FREM3: variants seen among roughly 807,000 people sequenced by gnomAD.
The protein encoded by FREM3 is FRAS1-related extracellular matrix protein 3.
FREM3 carries 105 observed loss-of-function variants against 129.1 expected under a neutral mutation model. The observed-to-expected ratio is 0.81, with a 90% CI of 0.69 to 0.96. The LOEUF (loss-of-function observed/expected upper bound fraction) is 0.96, where lower values mean the gene tolerates loss of function less well. Ranked by LOEUF, FREM3 falls within the 40% of genes least tolerant of loss-of-function variation. FREM3 has a pLI of 0.00. For missense variants in FREM3, 2,593 were observed against 2,666.3 expected, an observed-to-expected ratio of 0.97 and a Z score of 0.61; for synonymous variants, 1,014 against 1,044.9, an observed-to-expected ratio of 0.97 and a Z score of 0.57.
At position 143,697,276 on chromosome 4, in the gene FREM3, T is replaced by C. The variant is rs914904955; in HGVS notation, c.3400A>G (p.Ser1134Gly). 6.5e-7 allele frequency: 1 copy of C among 1,537,460 alleles called. No homozygotes were observed. Among genetic ancestry groups the C allele is most frequent in the Admixed American group, 2.0e-5 (1 of 51,000 alleles). ...APGSKMSQSG[S>G]PISAFSLRDI... ...CTGAGGGAGAAAGCACTGATAGGGC[T>C]ACCAGACTGGGACATTTTTGAACCA... Residue 1134 changes from serine to glycine, a missense_variant, in exon 1 of 8, where the codon AGC (serine) becomes GGC (glycine). Ser to Gly is a moderately conservative substitution (Grantham distance 56). Around this residue, in one of 2 missense-constraint regions of FREM3, gnomAD observed 2,276 missense variants for 2,267.2 expected, o/e 1.00. Transcript: ENST00000329798.
chr4:143,611,213 A>G (rs567208601), intron 6 of FREM3, 66 bp downstream of exon 6: 18 of 1,470,376 alleles, frequency 1.2e-5, no homozygotes, highest in Middle Eastern at 4.5e-4. Context: ...TTTGCCTTTC[A>G]ACTGTTGGAG....
At chr4:143,614,889 C>G (rs1026776545) in intron 5 of FREM3, among the ~76,000 whole-genome samples, 1 of 152,208 alleles carries the variant, frequency 6.6e-6, no homozygotes, top group South Asian at 2.1e-4. Flanking sequence ...GGAGCAGTTA[C>G]TAGCTGGATC....
At chr4:143,598,711 G>A (rs547663508) in intron 6 of FREM3, among the ~76,000 whole-genome samples, 2 of 152,188 alleles carry the variant, frequency 1.3e-5, no homozygotes, top group African/African-American at 4.8e-5. Flanking sequence ...ATATAAAATG[G>A]TTGTCCCATA....
At chr4:143,603,397 T>TA (rs1250306399) in intron 6 of FREM3, among the ~76,000 whole-genome samples, 1 of 152,238 alleles carries the variant, frequency 6.6e-6, no homozygotes, top group Non-Finnish European at 1.5e-5. Context: ...ATTTCTGGGA[T>TA]AAAAACCAGT....
At chr4:143,582,563 T>C (rs747486178) in intron 7 of FREM3, among the ~76,000 whole-genome samples, 1 of 152,144 alleles carries the variant, frequency 6.6e-6, no homozygotes, top group Non-Finnish European at 1.5e-5. Flanking sequence ...CCCATACAGA[T>C]GAGAAAGAAC....
At chr4:143,632,634 T>C (rs17017984) in intron 2 of FREM3, among the ~76,000 whole-genome samples, 6,296 of 152,188 alleles carry the variant, frequency 0.041, 365 homozygotes, top group African/African-American at 0.13. Context: ...GATTTTGTTT[T>C]GTAACTATTC....
chr4:143,620,892 T>G, intron 5 of FREM3, 145 bp downstream of exon 5: 1 of 713,836 alleles, frequency 1.4e-6, no homozygotes, highest in Non-Finnish European at 2.2e-6. Flanking sequence ...GGAAAGGGGG[T>G]TCGCAGCAGG....
In FREM3 at chr4:143,640,600, G is replaced by A. The variant is rs538701762; in HGVS notation, c.5276-12840C>T. ...CAGGAGAATCACTTGAACCCAGGAG[G>A]TGGAGGTTGTGGTGAGCTGAGATCG... On this transcript the variant is annotated intron_variant, in intron 2 of 7. Coordinates refer to ENST00000329798, the MANE Select transcript of FREM3 (RefSeq NM_001168235.2). 1.1e-4 allele frequency among the ~76,000 whole-genome samples: 16 copies of A among 152,318 alleles called. No individual in the cohort carries two copies. The East Asian group carries it at 3.1e-3, about 29-fold the overall frequency.
At chr4:143,624,493 A>G (rs903714954) in intron 3 of FREM3, among the ~76,000 whole-genome samples, 155 bp from the exon 4 acceptor site, 1 of 152,228 alleles carries the variant, frequency 6.6e-6, no homozygotes, top group African/African-American at 2.4e-5. Context: ...TTTCTTGGCT[A>G]AGAGAGTGTA....
chr4:143,660,062 G>T (rs1411707481), intron 2 of FREM3, among the ~76,000 whole-genome samples: 11 of 148,748 alleles, frequency 7.4e-5, no homozygotes, highest in South Asian at 2.1e-4. Context: ...AGTTTCTTTT[G>T]CTGTGCAGAA....
At chr4:143,606,166 T>A (rs1395954875) in intron 6 of FREM3, among the ~76,000 whole-genome samples, 1 of 152,316 alleles carries the variant, frequency 6.6e-6, no homozygotes, top group African/African-American at 2.4e-5. Flanking sequence ...AATGAGACGA[T>A]GCTACAGAGC....
In FREM3 at chr4:143,621,021, C is replaced by A. The variant is rs532740383; in HGVS notation, c.5779+16G>T. 153 of 1,536,974 alleles carry A rather than the reference C, an allele frequency of 1.0e-4. 1 individual carries two copies. The South Asian group carries it at 1.2e-3, about 13-fold the overall frequency. On this transcript the variant is annotated intron_variant, in intron 5 of 7. Transcript: ENST00000329798. Reference sequence around the variant, plus strand: ...TCATCTTATTCCTATGAACAGGACCCCACAGAGCCTCATACCTTGACGTGT... The same window carrying A: ...TCATCTTATTCCTATGAACAGGACCACACAGAGCCTCATACCTTGACGTGT...
intron 6 of FREM3, among the ~76,000 whole-genome samples, chr4:143,593,802 T>G (rs992488273): frequency 2.6e-5 from 4 of 152,214 alleles, no homozygotes; most frequent in Non-Finnish European, 5.9e-5. Flanking sequence ...GTTATTGCTG[T>G]CTTTTGTTTG....
intron 2 of FREM3, among the ~76,000 whole-genome samples, chr4:143,673,601 C>G (rs1344851040): frequency 6.6e-6 from 1 of 152,284 alleles, no homozygotes; most frequent in Non-Finnish European, 1.5e-5. Flanking sequence ...CTAGGAGAAC[C>G]ACTACTCTCT....
At position 143,698,889 on chromosome 4, in the gene FREM3, T is replaced by A. The variant is rs1740633888; in HGVS notation, c.1787A>T (p.Gln596Leu). ...QPLKGNEEEP[Q>L]WELAPGSSHS... ...GGAGGAACCAGGGGCCAACTCCCAC[T>A]GAGGCTCTTCCTCATTTCCTTTTAG... The change falls in exon 1 of 8, where the codon CAG (glutamine) becomes CTG (leucine). Residue 596 changes from glutamine (Q) to leucine (L), a missense_variant. Physicochemically the swap from Gln to Leu is moderately radical, Grantham distance 113. Around this residue, in one of 2 missense-constraint regions of FREM3, gnomAD observed 2,276 missense variants for 2,267.2 expected, o/e 1.00. Transcript: ENST00000329798. 6.5e-7 allele frequency: 1 copy of A among 1,537,406 alleles called. No homozygotes were observed. Among genetic ancestry groups the A allele is most frequent in the South Asian group, 1.2e-5 (1 of 84,066 alleles).
In FREM3 at chr4:143,680,150, T is replaced by G. The variant is rs1497616; in HGVS notation, c.5275+12963A>C. 6.8e-3 allele frequency among the ~76,000 whole-genome samples: 1,037 copies of G among 151,810 alleles called. 16 individuals are homozygous for G. Among genetic ancestry groups the G allele is most frequent in the African/African-American group, 0.024 (981 of 41,418 alleles). ...AAAAGGAAATATTAATAAAAACAATTTATTATCCATCATTGCCATTATAAA... is the reference window on the plus strand; with the variant it reads ...AAAAGGAAATATTAATAAAAACAATGTATTATCCATCATTGCCATTATAAA... On this transcript the variant is annotated intron_variant, in intron 2 of 7. Coordinates refer to ENST00000329798, the MANE Select transcript of FREM3 (RefSeq NM_001168235.2).
In FREM3 at chr4:143,696,603, A is replaced by G. The variant is rs1001964661; in HGVS notation, c.4073T>C (p.Leu1358Pro). 3.3e-6 allele frequency: 5 copies of G among 1,537,640 alleles called. No homozygotes were observed. The highest frequency in any genetic ancestry group is 4.9e-5 in the East Asian group (2 of 40,914). The change falls in exon 1 of 8, where the codon CTG becomes CCG. Residue 1358 changes from leucine (L) to proline (P), a missense_variant. Around this residue, in one of 2 missense-constraint regions of FREM3, gnomAD observed 2,276 missense variants for 2,267.2 expected, o/e 1.00. Transcript: ENST00000329798. ...SGPQQGLLQRLRKPRGEVRNN... is the reference protein window; with the variant it reads ...SGPQQGLLQRPRKPRGEVRNN... ...CCTCACTTCTCCTCTGGGTTTTCTC[A>G]GCCTCTGTAGAAGCCCTTGTTGAGG... is the stretch of plus-strand genomic sequence containing the variant.
intron 2 of FREM3, among the ~76,000 whole-genome samples, chr4:143,652,051 G>A (rs552670832): frequency 7.9e-5 from 12 of 151,834 alleles, no homozygotes; most frequent in Non-Finnish European, 1.5e-4. Context: ...AATGTTACAC[G>A]CTGCCAGTTT....
At chr4:143,621,486 T>C (rs1446641862) in intron 4 of FREM3, among the ~76,000 whole-genome samples, 1 of 152,254 alleles carries the variant, frequency 6.6e-6, no homozygotes, top group Non-Finnish European at 1.5e-5. Flanking sequence ...ATCACATATT[T>C]ATGTACTTGC....
Sources: gnomAD v4.1 joint callset for allele counts (sites outside exome capture counted in the v4.1 genomes callset) on GRCh38, gnomAD v4.1.1 for gene constraint, gnomAD v4.1.1 regional missense constraint, MANE v1.5 for transcripts, NCBI Gene and HGNC (gene_info 2026-07-23, HGNC 2026-07-21) for gene names.